Variants in CPD observed in about 807,000 individuals in gnomAD.
CPD encodes metallocarboxypeptidase D.
In CPD, 69 loss-of-function variants were observed where a neutral mutation model predicts 138.3. The observed-to-expected ratio is 0.50, with a 90% CI of 0.41 to 0.61. The LOEUF (loss-of-function observed/expected upper bound fraction) is 0.61. Among genes scored for constraint, CPD ranks in the 20% least tolerant of loss-of-function variants. CPD has a pLI of 0.00. For synonymous variants in CPD, 651 were observed against 642.1 expected (o/e 1.01, Z -0.21); for missense variants, 1,432 against 1,733.3 (o/e 0.83, Z 3.09).
At chr17:30,443,591 A>G (rs1171051079) in intron 10 of CPD, among the ~76,000 whole-genome samples, 1 of 152,176 alleles carries the variant, frequency 6.6e-6, no homozygotes, top group Non-Finnish European at 1.5e-5. Context: ...TGTTATTTAT[A>G]TTCTTCATGA....
Position 30,456,334 on chromosome 17 carries a change from G to C in CPD, c.3416G>C (p.Ser1139Thr). ...CCATCCATGCACATGGGTCAGCCCA[G>C]TTGCCCAAATAAATCAGGTAGATGT... ...NHPSMHMGQP[S>T]CPNKSDENIP... Residue 1139 changes from serine (S) to threonine (T), a missense_variant, in exon 16 of 21, where the codon AGT (serine) becomes ACT (threonine). Ser to Thr is a moderately conservative substitution (Grantham distance 58). This residue lies in a region of CPD where 366 missense variants were observed against 518.8 expected (regional missense o/e 0.71). Transcript: ENST00000225719. 1.2e-6 allele frequency: 2 copies of C among 1,614,122 alleles called. No individual in the cohort carries two copies. Among genetic ancestry groups the C allele is most frequent in the Middle Eastern group, 1.6e-4 (1 of 6,062 alleles).
rs775540183 is a variant in CPD at position 30,385,140 on chromosome 17, C to T, written c.898C>T (p.Pro300Ser). 61 of 1,613,834 alleles carry T rather than the reference C, an allele frequency of 3.8e-5. No homozygotes were observed. The highest frequency in any genetic ancestry group is 5.1e-5 in the Non-Finnish European group (60 of 1,179,960). Residue 300 changes from proline to serine, a missense_variant, in exon 2 of 21, where the codon CCC becomes TCC. Around this residue, in one of 6 missense-constraint regions of CPD, gnomAD observed 484 missense variants for 477.2 expected, o/e 1.01. Transcript: ENST00000225719. ...YLAKAYASNH[P>S]IMKTGEPHCP... ...GGCAAAAGCTTATGCTTCAAACCAC[C>T]CCATAATGAAAACTGGTGAGCCTCA...
intron 2 of CPD, among the ~76,000 whole-genome samples, chr17:30,417,057 G>A (rs188754223): frequency 3.5e-4 from 52 of 150,700 alleles, no homozygotes; most frequent in Admixed American, 1.1e-3. Context: ...AGCCGAGATC[G>A]CGCCACTGCA....
chr17:30,451,702 G>C lies in CPD; in HGVS notation c.3070-9G>C, dbSNP rs2253256. The C allele has an allele frequency of 0.54, 874,159 of 1,609,020 alleles. 243,451 individuals are homozygous for C. The highest frequency in any genetic ancestry group is 0.82 in the African/African-American group (61,572 of 74,870). ...GCTAGTAACTCGTTAATTTCTGTTTGTGCTTCAGTTGGTTGACAGGACTAG... is the reference window on the plus strand; with the variant it reads ...GCTAGTAACTCGTTAATTTCTGTTTCTGCTTCAGTTGGTTGACAGGACTAG... On this transcript the variant is annotated splice_polypyrimidine_tract_variant and intron_variant, in intron 13 of 20. Transcript: ENST00000225719.
intron 2 of CPD, among the ~76,000 whole-genome samples, chr17:30,388,098 A>G (rs1434364397): frequency 6.6e-6 from 1 of 152,120 alleles, no homozygotes; most frequent in African/African-American, 2.4e-5. Context: ...GAGAGGAGCT[A>G]CCCTCTGGTT....
At chr17:30,434,220 C>G (rs1239096659) in intron 8 of CPD, among the ~76,000 whole-genome samples, 1 of 152,166 alleles carries the variant, frequency 6.6e-6, no homozygotes, top group Admixed American at 6.6e-5. Context: ...GACTTAAAAA[C>G]TACCAAATTT....
intron 2 of CPD, among the ~76,000 whole-genome samples, chr17:30,402,061 T>C (rs1911688537): frequency 6.6e-6 from 1 of 151,966 alleles, no homozygotes; most frequent in Non-Finnish European, 1.5e-5. Context: ...TTCAGATCTT[T>C]TTTTCTTCTT....
intron 17 of CPD, among the ~76,000 whole-genome samples, chr17:30,457,306 TGG>T (rs956355739): frequency 6.6e-6 from 1 of 152,270 alleles, no homozygotes; most frequent in African/African-American, 2.4e-5. Flanking sequence ...TTCATTTTTA[TGG>T]CTGAATAATA....
At chr17:30,415,379 A>C (rs549445657) in intron 2 of CPD, among the ~76,000 whole-genome samples, 1 of 152,330 alleles carries the variant, frequency 6.6e-6, no homozygotes, top group South Asian at 2.1e-4. Flanking sequence ...CACAGCAAAC[A>C]TTGTGAATGA....
intron 19 of CPD, 151 bp downstream of exon 19, chr17:30,462,213 C>T (rs1913495498): frequency 3.8e-6 from 4 of 1,064,140 alleles, no homozygotes; most frequent in Non-Finnish European, 5.4e-6. Flanking sequence ...TATCCTTGTA[C>T]CCCTTGCTAA....
chr17:30,424,920 G>T (rs1912363458), intron 6 of CPD, among the ~76,000 whole-genome samples: 1 of 152,172 alleles, frequency 6.6e-6, no homozygotes, highest in Admixed American at 6.5e-5. Flanking sequence ...TTGGTCATTA[G>T]TACCCAGAAG....
intron 2 of CPD, among the ~76,000 whole-genome samples, chr17:30,399,521 C>T (rs552430211): frequency 2.6e-4 from 39 of 152,088 alleles, no homozygotes; most frequent in Admixed American, 7.2e-4. Context: ...AGAATTATGT[C>T]GTTTTGGTGA....
At chr17:30,396,972 A>G (rs1352258614) in intron 2 of CPD, among the ~76,000 whole-genome samples, 3 of 152,008 alleles carry the variant, frequency 2.0e-5, no homozygotes, top group Admixed American at 6.6e-5. Flanking sequence ...CTCCCAATTG[A>G]CTGAAGACAG....
At chr17:30,411,675 A>C (rs751479243) in intron 2 of CPD, among the ~76,000 whole-genome samples, 1 of 152,186 alleles carries the variant, frequency 6.6e-6, no homozygotes, top group Non-Finnish European at 1.5e-5. Flanking sequence ...TGCATGCGTC[A>C]TGAAGTTCTC....
chr17:30,436,282 C>G (rs1900871311), intron 8 of CPD, among the ~76,000 whole-genome samples: 1 of 152,078 alleles, frequency 6.6e-6, no homozygotes, highest in South Asian at 2.1e-4. Context: ...CACTGCACTC[C>G]AGCTTTGGTG....
At chr17:30,426,348 A>G (rs902637701) in intron 6 of CPD, among the ~76,000 whole-genome samples, 1 of 152,248 alleles carries the variant, frequency 6.6e-6, no homozygotes, top group African/African-American at 2.4e-5. Context: ...TTATCACTCA[A>G]ATCAGTCTCC....
At chr17:30,445,576 G>A in intron 11 of CPD, 115 bp from the exon 12 acceptor site, 1 of 662,896 alleles carries the variant, frequency 1.5e-6, no homozygotes, top group Non-Finnish European at 2.5e-6. Flanking sequence ...TGTCTCTTTA[G>A]GAAACTGCAC....
chr17:30,451,831 G>A lies in CPD; in HGVS notation c.3190G>A (p.Asp1064Asn), dbSNP rs1360192295. 6.2e-7 allele frequency: 1 copy of A among 1,613,946 alleles called. No individual in the cohort carries two copies. The highest frequency in any genetic ancestry group is 1.7e-5 in the Admixed American group (1 of 60,000). ...AACAAATGCTCGTGGCAAAGATTTG[G>A]ATACAGACTTCACAAGTAAGACTAA... Reference protein sequence around the residue: ...GQTNARGKDLDTDFTNNASQP... With the variant: ...GQTNARGKDLNTDFTNNASQP... The change falls in exon 14 of 21, where the codon GAT (aspartate) becomes AAT (asparagine). Residue 1064 changes from aspartate (D) to asparagine (N), a missense_variant. This residue lies in a region of CPD where 366 missense variants were observed against 518.8 expected (regional missense o/e 0.71). Coordinates refer to ENST00000225719, the MANE Select transcript of CPD (RefSeq NM_001304.5).
At chr17:30,411,749 G>A in intron 2 of CPD, among the ~76,000 whole-genome samples, 1 of 152,136 alleles carries the variant, frequency 6.6e-6, no homozygotes, top group East Asian at 1.9e-4. Context: ...ATTCTAGTTA[G>A]CCATTCGTCT....
Sources: allele counts gnomAD v4.1 joint callset (sites outside exome capture counted in the v4.1 genomes callset), GRCh38; gene constraint gnomAD v4.1.1; regional missense constraint gnomAD v4.1.1; transcripts MANE v1.5; gene names NCBI Gene and HGNC (gene_info 2026-07-23, HGNC 2026-07-21).